SCN10A: variants seen among roughly 807,000 people sequenced by gnomAD.
SCN10A encodes the protein sodium voltage-gated channel alpha subunit 10.
A neutral mutation model predicts 170.7 loss-of-function variants in SCN10A; 162 were observed. The observed-to-expected ratio is 0.95, with a 90% CI of 0.84 to 1.08. The LOEUF is 1.08. Among genes scored for constraint, SCN10A ranks in the 50% least tolerant of loss-of-function variants. The pLI is 0.00. For synonymous variants in SCN10A, 985 were observed against 904.6 expected (o/e 1.09, Z -1.59); for missense variants, 2,527 against 2,436.9 (o/e 1.04, Z -0.78).
intron 22 of SCN10A, among the ~76,000 whole-genome samples, 162 bp downstream of exon 22, chr3:38,713,796 T>G (rs2063301017): frequency 6.6e-6 from 1 of 151,960 alleles, no homozygotes; most frequent in Non-Finnish European, 1.5e-5. Context: ...TGGTAGTGAT[T>G]TTTGTACTTT....
chr3:38,709,066 G>A (rs1355720716), intron 25 of SCN10A, among the ~76,000 whole-genome samples: 1 of 152,206 alleles, frequency 6.6e-6, no homozygotes, highest in Non-Finnish European at 1.5e-5. Context: ...ATCCCAAGGA[G>A]GGTTGGGATT....
intron 4 of SCN10A, among the ~76,000 whole-genome samples, chr3:38,783,619 G>T (rs868206957): frequency 6.6e-6 from 1 of 151,972 alleles, no homozygotes; most frequent in South Asian, 2.1e-4. Flanking sequence ...ATGGACATTT[G>T]AGTGGTTTCC....
At chr3:38,787,908 C>T (rs2064227730) in intron 4 of SCN10A, among the ~76,000 whole-genome samples, 1 of 146,308 alleles carries the variant, frequency 6.8e-6, no homozygotes, top group Non-Finnish European at 1.5e-5. Context: ...TGAGTGAGAA[C>T]ATACGGTGTT....
intron 12 of SCN10A, among the ~76,000 whole-genome samples, chr3:38,751,546 C>T (rs940928697): frequency 6.6e-6 from 1 of 152,126 alleles, no homozygotes; most frequent in Non-Finnish European, 1.5e-5. Context: ...GCGCTGTATC[C>T]CTGGCTAGCC....
rs1131691525 is a variant in SCN10A, at chr3:38,792,117, G to C, written c.322C>G (p.Arg108Gly). 1 of 1,613,800 alleles carries C rather than the reference G, an allele frequency of 6.2e-7. No homozygotes were observed. The highest frequency in any genetic ancestry group is 1.7e-5 in the Admixed American group (1 of 60,008). The change falls in exon 3 of 28, where the codon CGG becomes GGG. Residue 108 changes from arginine (R) to glycine (G), a missense_variant. By Grantham distance (125) the Arg-to-Gly change is moderately radical (BLOSUM62 -2). Coordinates refer to ENST00000449082, the MANE Select transcript of SCN10A (RefSeq NM_006514.4). ...AAAGGACTGAATAGCCACAGGGCCC[G>C]AGTGGCACTAAACCGGGAAATGGTC... ...GRTISRFSAT[R>G]ALWLFSPFNL... is the part of the protein sequence containing the mutation.
At chr3:38,756,645 T>C in intron 10 of SCN10A, 29 bp downstream of exon 10, 1 of 1,591,062 alleles carries the variant, frequency 6.3e-7, no homozygotes, top group Non-Finnish European at 8.6e-7. Context: ...TCTGCAACCT[T>C]CTTCACAAAG....
chr3:38,709,767 C>T (rs573602750), intron 24 of SCN10A, 152 bp from the exon 25 acceptor site: 25 of 668,826 alleles, frequency 3.7e-5, no homozygotes, highest in South Asian at 5.3e-5. Flanking sequence ...GAAGAATAAG[C>T]GGGAATGGGA....
At chr3:38,766,010 T>G (rs1392910036) in intron 5 of SCN10A, among the ~76,000 whole-genome samples, 1 of 152,018 alleles carries the variant, frequency 6.6e-6, no homozygotes, top group Non-Finnish European at 1.5e-5. Context: ...TAAAAGGGAT[T>G]GAGTTCTTGA....
At chr3:38,750,361 A>G (rs2063735416) in intron 12 of SCN10A, among the ~76,000 whole-genome samples, 177 bp from the exon 13 acceptor site, 1 of 152,262 alleles carries the variant, frequency 6.6e-6, no homozygotes, top group Admixed American at 6.5e-5. Flanking sequence ...AATATCCTAC[A>G]TTGTATTTAC....
intron 4 of SCN10A, among the ~76,000 whole-genome samples, chr3:38,782,559 A>T (rs1426774342): frequency 6.6e-6 from 1 of 152,032 alleles, no homozygotes; most frequent in Non-Finnish European, 1.5e-5. Flanking sequence ...TATGCATTCT[A>T]TCTTCCATAT....
intron 4 of SCN10A, among the ~76,000 whole-genome samples, chr3:38,777,011 G>T (rs1323843577): frequency 6.6e-6 from 1 of 151,778 alleles, no homozygotes; most frequent in Admixed American, 6.6e-5. Flanking sequence ...CAACAAACAA[G>T]AAATGGAAAA....
chr3:38,737,022 T>G (rs1261370354), intron 15 of SCN10A, among the ~76,000 whole-genome samples: 2 of 126,420 alleles, frequency 1.6e-5, no homozygotes, highest in Non-Finnish European at 3.2e-5. Context: ...CCAGGCCGGA[T>G]TGCAGTGGCG....
At chr3:38,725,094 C>A in intron 18 of SCN10A, 80 bp downstream of exon 18, 1 of 1,367,298 alleles carries the variant, frequency 7.3e-7, no homozygotes, top group Non-Finnish European at 9.8e-7. Context: ...CCACCTTCAC[C>A]GCCACCCTCC....
chr3:38,756,571 A>G, intron 10 of SCN10A, 103 bp downstream of exon 10: 1 of 897,694 alleles, frequency 1.1e-6, no homozygotes, highest in Non-Finnish European at 1.8e-6. Flanking sequence ...GATTCCTCCT[A>G]TAGCTCCCTA....
chr3:38,732,212 C>T (rs1460714229), intron 15 of SCN10A, among the ~76,000 whole-genome samples: 1 of 152,180 alleles, frequency 6.6e-6, no homozygotes, highest in African/African-American at 2.4e-5. Context: ...TCCAGTTTTG[C>T]TTGCAAATAG....
At chr3:38,711,279 A>G (rs1158410132) in intron 23 of SCN10A, among the ~76,000 whole-genome samples, 1 of 152,186 alleles carries the variant, frequency 6.6e-6, no homozygotes, top group Non-Finnish European at 1.5e-5. Flanking sequence ...CACATGATGT[A>G]AGAATGGTAT....
At chr3:38,773,947 A>C (rs539267572) in intron 4 of SCN10A, among the ~76,000 whole-genome samples, 5 of 152,194 alleles carry the variant, frequency 3.3e-5, no homozygotes, top group Non-Finnish European at 7.3e-5. Flanking sequence ...CAGAAGACAC[A>C]GGTAAAAAAA....
chr3:38,715,261 G>T (rs2063323118), intron 21 of SCN10A, among the ~76,000 whole-genome samples: 1 of 152,164 alleles, frequency 6.6e-6, no homozygotes, highest in Admixed American at 6.5e-5. Context: ...GGGGCAGACA[G>T]GTGCTGTGCC....
At chr3:38,730,983 G>A (rs2126005165) in intron 15 of SCN10A, among the ~76,000 whole-genome samples, 1 of 152,250 alleles carries the variant, frequency 6.6e-6, no homozygotes, top group Admixed American at 6.5e-5. Context: ...TTCCAGAATT[G>A]AAGAAAATTA....
Sources: allele counts gnomAD v4.1 joint callset (sites outside exome capture counted in the v4.1 genomes callset), GRCh38; gene constraint gnomAD v4.1.1; transcripts MANE v1.5; gene names NCBI Gene and HGNC (gene_info 2026-07-23, HGNC 2026-07-21).